The following GPHN variants were observed in gnomAD, a reference collection of about 807,000 sequenced individuals.
The protein encoded by GPHN is gephyrin.
Under a neutral mutation model 95.5 loss-of-function variants are expected in GPHN, and 17 were observed. The observed-to-expected ratio is 0.18, with a 90% CI of 0.12 to 0.27. GPHN has a LOEUF of 0.27. Ranked by LOEUF, GPHN falls within the 10% of genes least tolerant of loss-of-function variation. GPHN has a pLI of 1.00. For synonymous variants in GPHN, 320 were observed against 322.5 expected (o/e 0.99, Z 0.08); for missense variants, 660 against 978.1 (o/e 0.67, Z 4.34).
At chr14:67,473,716 G>A in the GPHN span, 16 of 1,603,664 alleles carry the variant, frequency 1.0e-5, no homozygotes, top group East Asian at 9.0e-5. The surrounding 1 kb of genome is among the most constrained non-coding windows in gnomAD (Gnocchi z 6.5). Context: ...AGCGGGCAGC[G>A]GCCGCGCAGC....
chr14:66,651,841 AT>A (rs1445674263), intron 1 of GPHN, among the ~76,000 whole-genome samples: 1 of 151,982 alleles, frequency 6.6e-6, no homozygotes, highest in Non-Finnish European at 1.5e-5. Context: ...TCACCCCGAG[AT>A]GGGACCATCT....
At chr14:67,706,302 T>C in the GPHN span, 7 of 152,262 alleles carry the variant, frequency 4.6e-5, no homozygotes, top group East Asian at 1.2e-3. Flanking sequence ...GATTTTGTGA[T>C]ATTTGTAGTG....
the GPHN span, among the ~76,000 whole-genome samples, chr14:67,401,959 T>C: frequency 2.0e-5 from 3 of 152,108 alleles, no homozygotes; most frequent in Non-Finnish European, 2.9e-5. Context: ...GGTGAAACCC[T>C]GTCTCTGCTA....
At chr14:67,578,687 A>G in the GPHN span, 4 of 1,116,838 alleles carry the variant, frequency 3.6e-6, no homozygotes, top group South Asian at 1.3e-5. This position sits in a 1 kb window ranked among gnomAD's most constrained non-coding sequence, Gnocchi z 5.0. Flanking sequence ...TGCCGCATGA[A>G]TAAGAGGGAT....
chr14:66,799,598 A>G (rs910315644), intron 3 of GPHN, among the ~76,000 whole-genome samples: 1 of 151,978 alleles, frequency 6.6e-6, no homozygotes, highest in African/African-American at 2.4e-5. Context: ...TTGGCCTTGA[A>G]ATCTATTTTG....
chr14:66,817,500 G>T (rs1051644942), intron 3 of GPHN, among the ~76,000 whole-genome samples: 1 of 152,134 alleles, frequency 6.6e-6, no homozygotes, highest in African/African-American at 2.4e-5. Flanking sequence ...TTTTTGTATT[G>T]TATTGTTACA....
chr14:67,443,399 C>G, the GPHN span, among the ~76,000 whole-genome samples: 1 of 152,072 alleles, frequency 6.6e-6, no homozygotes, highest in Non-Finnish European at 1.5e-5. Context: ...GCCCCACAAC[C>G]TTTTTAATCA....
chr14:66,807,517 A>G (rs1020693023), intron 3 of GPHN, among the ~76,000 whole-genome samples: 7 of 152,202 alleles, frequency 4.6e-5, no homozygotes, highest in Non-Finnish European at 1.0e-4. Flanking sequence ...CATTCAGTAG[A>G]TCATTCTGCG....
chr14:67,360,491 C>G, the GPHN span: 1 of 338,270 alleles, frequency 3.0e-6, no homozygotes, highest in Non-Finnish European at 5.3e-6. Context: ...TCCAGGAACT[C>G]ACTTTGGTTT....
In GPHN at chr14:67,093,987, T is replaced by C. The variant is rs908840573; in HGVS notation, c.1237+4912T>C. The stretch of plus-strand genomic sequence containing the variant: ...TACTATTCCTTCTGCCTTATTTCTC[T>C]ATCAACTATTTCCTAGGACCTCTGA... On this transcript the variant is annotated intron_variant, in intron 12 of 22. Coordinates refer to ENST00000478722, the MANE Select transcript of GPHN (RefSeq NM_020806.5). Among the ~76,000 whole-genome samples, 3 of 152,300 alleles carry C rather than the reference T, an allele frequency of 2.0e-5. No individual in the cohort carries two copies. The East Asian group carries it at 5.8e-4, about 29-fold the overall frequency.
intron 21 of GPHN, among the ~76,000 whole-genome samples, chr14:67,171,190 A>C (rs1180294225): frequency 6.6e-6 from 1 of 152,166 alleles, no homozygotes; most frequent in Non-Finnish European, 1.5e-5. Flanking sequence ...CTCTAAAAAA[A>C]TTAACAAAAA....
At chr14:67,343,283 C>A in the GPHN span, 3 of 993,586 alleles carry the variant, frequency 3.0e-6, no homozygotes, top group Non-Finnish European at 4.6e-6. Context: ...ATCTTTCAGT[C>A]TTCAGTACAG....
chr14:67,144,403 A>G (rs2080775321), intron 18 of GPHN, among the ~76,000 whole-genome samples: 1 of 150,246 alleles, frequency 6.7e-6, no homozygotes, highest in African/African-American at 2.5e-5. Context: ...ACATTTCTTA[A>G]TGAAATGTGT....
At chr14:67,535,669 C>T in the GPHN span, among the ~76,000 whole-genome samples, 77,273 of 151,952 alleles carry the variant, frequency 0.51, 20,016 homozygotes, top group Non-Finnish European at 0.55. Flanking sequence ...CTTGAGCCAC[C>T]GTGCCCAGCC....
At chr14:67,193,630 T>C in the GPHN span, among the ~76,000 whole-genome samples, 85 of 147,010 alleles carry the variant, frequency 5.8e-4, no homozygotes, top group East Asian at 0.014. Context: ...TATATCTATC[T>C]ATATAGATAT....
chr14:67,142,370 C>G (rs555428438), intron 17 of GPHN, among the ~76,000 whole-genome samples: 38 of 152,142 alleles, frequency 2.5e-4, no homozygotes, highest in Non-Finnish European at 5.3e-4. Flanking sequence ...AGTCTTGATT[C>G]TTGGCATTTT....
At chr14:66,830,407 A>C (rs973880507) in intron 4 of GPHN, among the ~76,000 whole-genome samples, 1 of 152,138 alleles carries the variant, frequency 6.6e-6, no homozygotes, top group African/African-American at 2.4e-5. Flanking sequence ...CTGCACTTTA[A>C]AAATTAATAC....
chr14:66,893,805 A>C (rs2064664085), intron 5 of GPHN, among the ~76,000 whole-genome samples: 1 of 152,216 alleles, frequency 6.6e-6, no homozygotes, highest in Non-Finnish European at 1.5e-5. Flanking sequence ...CCAACTTACA[A>C]GGGATGTGGA....
At chr14:66,898,233 C>A (rs1405682164) in intron 5 of GPHN, among the ~76,000 whole-genome samples, 4 of 151,762 alleles carry the variant, frequency 2.6e-5, no homozygotes, top group Non-Finnish European at 5.9e-5. Flanking sequence ...TCATCTTTTT[C>A]TTTTAGCAGT....
Sources: gnomAD v4.1 joint callset for allele counts (sites outside exome capture counted in the v4.1 genomes callset) on GRCh38, gnomAD v4.1.1 for gene constraint, Gnocchi (gnomAD v3.1) non-coding constraint, MANE v1.5 for transcripts, NCBI Gene and HGNC (gene_info 2026-07-23, HGNC 2026-07-21) for gene names.